Variants in PRKCQ observed in about 807,000 individuals in gnomAD.
The protein encoded by PRKCQ is protein kinase C theta.
PRKCQ carries 41 observed loss-of-function variants against 91.2 expected under a neutral mutation model. That is an observed-to-expected ratio of 0.45 (90% CI 0.35 to 0.58). The LOEUF (loss-of-function observed/expected upper bound fraction) is 0.58, where lower values mean the gene tolerates loss of function less well. Ranked by LOEUF, PRKCQ falls within the 20% of genes least tolerant of loss-of-function variation. PRKCQ has a pLI of 0.00. For missense variants in PRKCQ, 673 were observed against 896.5 expected, an observed-to-expected ratio of 0.75 and a Z score of 3.18; for synonymous variants, 307 against 316.9, an observed-to-expected ratio of 0.97 and a Z score of 0.33.
chr10:6,412,399 AT>A, the PRKCQ span, among the ~76,000 whole-genome samples: 1 of 152,252 alleles, frequency 6.6e-6, no homozygotes, highest in Non-Finnish European at 1.5e-5. Context: ...AAAAAGTGAA[AT>A]TAAAGCTAAC....
downstream of PRKCQ, among the ~76,000 whole-genome samples, chr10:6,424,390 C>T (rs1329926971): frequency 2.0e-5 from 3 of 152,156 alleles, no homozygotes; most frequent in Non-Finnish European, 1.5e-5. Context: ...GGGGAAGGCA[C>T]GTGGTCAGCG....
At chr10:6,550,856 G>A (rs968550623) in intron 1 of PRKCQ, among the ~76,000 whole-genome samples, 1 of 152,080 alleles carries the variant, frequency 6.6e-6, no homozygotes, top group Non-Finnish European at 1.5e-5. Flanking sequence ...AACTCTCCAC[G>A]TCTTCACCAA....
chr10:6,482,106 G>A (rs1353494665), intron 11 of PRKCQ, among the ~76,000 whole-genome samples: 2 of 151,636 alleles, frequency 1.3e-5, no homozygotes, highest in East Asian at 1.9e-4. Context: ...TTTAGAGGAG[G>A]GACTTTCTCC....
At chr10:6,475,761 T>C (rs1466017858) in intron 12 of PRKCQ, among the ~76,000 whole-genome samples, 1 of 152,214 alleles carries the variant, frequency 6.6e-6, no homozygotes, top group Non-Finnish European at 1.5e-5. Context: ...CATTCACTTG[T>C]GGTATTTAAT....
At chr10:6,451,796 C>T (rs1387441644) in intron 15 of PRKCQ, among the ~76,000 whole-genome samples, 1 of 152,066 alleles carries the variant, frequency 6.6e-6, no homozygotes, top group East Asian at 1.9e-4. Context: ...TAAATGTAAT[C>T]CAGCATATAA....
At position 6,456,695 on chromosome 10, in the gene PRKCQ, T is replaced by C; in HGVS notation, c.1626A>G (p.Thr542=). Residue 542 remains threonine (T), a synonymous_variant, in exon 15 of 18, where the codon ACA becomes ACG. Coordinates refer to ENST00000263125, the MANE Select transcript of PRKCQ (RefSeq NM_006257.5). The part of the protein sequence containing the change: ...GDAKTNTFCG[T]PDYIAPEILL... ...CTACCTCTGGGGCGATGTAGTCAGG[T>C]GTCCCACAGAAGGTATTCGTCTTGG... is the stretch of plus-strand genomic sequence containing the variant. The C allele has an allele frequency of 6.2e-7, 1 of 1,614,176 alleles. No individual in the cohort carries two copies. The highest frequency in any genetic ancestry group is 8.5e-7 in the Non-Finnish European group (1 of 1,180,004).
chr10:6,484,612 A>G (rs1462442368), intron 10 of PRKCQ, among the ~76,000 whole-genome samples: 5 of 152,042 alleles, frequency 3.3e-5, no homozygotes, highest in African/African-American at 4.8e-5. Flanking sequence ...TTAAATCCCT[A>G]GGTTTATCTT....
At chr10:6,498,868 A>G (rs1410153446) in intron 4 of PRKCQ, among the ~76,000 whole-genome samples, 1 of 152,228 alleles carries the variant, frequency 6.6e-6, no homozygotes, top group Non-Finnish European at 1.5e-5. Context: ...ACCAGAGATT[A>G]GAACTTTGAA....
intron 1 of PRKCQ, among the ~76,000 whole-genome samples, chr10:6,547,718 T>C (rs1840016896): frequency 1.3e-5 from 2 of 151,976 alleles, no homozygotes; most frequent in East Asian, 3.9e-4. Context: ...TTACACCTTA[T>C]ACAAAAATTA....
intron 3 of PRKCQ, among the ~76,000 whole-genome samples, chr10:6,510,392 T>C (rs949912043): frequency 6.6e-6 from 1 of 152,224 alleles, no homozygotes; most frequent in Non-Finnish European, 1.5e-5. Context: ...AAAAAAATTG[T>C]AGGAATTGTC....
intron 16 of PRKCQ, among the ~76,000 whole-genome samples, 155 bp downstream of exon 16, chr10:6,441,738 C>T (rs1391938502): frequency 2.6e-5 from 4 of 152,196 alleles, no homozygotes; most frequent in Non-Finnish European, 5.9e-5. Flanking sequence ...AATATTGGTG[C>T]CTCTATTAAA....
At chr10:6,439,499 A>G (rs1017759938) in intron 16 of PRKCQ, among the ~76,000 whole-genome samples, 1 of 152,012 alleles carries the variant, frequency 6.6e-6, no homozygotes, top group Non-Finnish European at 1.5e-5. Flanking sequence ...ATTTACACCA[A>G]GTGTGCCTGC....
chr10:6,466,202 C>A (rs1042500747), intron 12 of PRKCQ, among the ~76,000 whole-genome samples: 1 of 152,188 alleles, frequency 6.6e-6, no homozygotes, highest in Non-Finnish European at 1.5e-5. Context: ...CCTAGAAAGG[C>A]TGACATTTCA....
rs774959121 is a variant in PRKCQ, at chr10:6,442,085, C to T, written c.1648-4G>A. 6.2e-7 allele frequency: 1 copy of T among 1,608,412 alleles called. No homozygotes were observed. The highest frequency in any genetic ancestry group is 2.2e-5 in the East Asian group (1 of 44,712). On this transcript the variant is annotated splice_region_variant and splice_polypyrimidine_tract_variant and intron_variant, in intron 15 of 17. Coordinates refer to ENST00000263125, the MANE Select transcript of PRKCQ (RefSeq NM_006257.5). ...TGTATTTCTGACCCAGCAAGATCTGCACAACCAAAAGGCAGACAGGAAATT... is the reference window on the plus strand; with the variant it reads ...TGTATTTCTGACCCAGCAAGATCTGTACAACCAAAAGGCAGACAGGAAATT...
downstream of PRKCQ, among the ~76,000 whole-genome samples, chr10:6,423,697 C>T (rs912059547): frequency 5.9e-5 from 9 of 152,168 alleles, no homozygotes; most frequent in African/African-American, 2.2e-4. Context: ...GCTACTGTGA[C>T]CGACCCTACC....
In PRKCQ at chr10:6,498,523, A is replaced by T; in HGVS notation, c.415T>A (p.Phe139Ile). The T allele has an allele frequency of 1.2e-6, 2 of 1,614,152 alleles. No individual in the cohort carries two copies. Among genetic ancestry groups the T allele is most frequent in the Non-Finnish European group, 1.7e-6 (2 of 1,180,022 alleles). The part of the protein sequence containing the change: ...KDMNEFETEG[F>I]FALHQRRGAI... Reference sequence around the variant, plus strand: ...CCCCGGCGCTGATGCAAAGCAAAGAAGCCTTCCGTCTCAAATTCATTCATG... The same window carrying T: ...CCCCGGCGCTGATGCAAAGCAAAGATGCCTTCCGTCTCAAATTCATTCATG... The change falls in exon 5 of 18, where the codon TTC becomes ATC. Residue 139 changes from phenylalanine (F) to isoleucine (I), a missense_variant. Physicochemically the swap from Phe to Ile is conservative, Grantham distance 21. Transcript: ENST00000263125.
rs1037002668 is a variant in PRKCQ at position 6,458,766 on chromosome 10, T to C, written c.1509-1954A>G. ...GTCCAATGAGAATCACGTGAAAGCA[T>C]TGAAAGTGGCTTCAAACACATGGGT... On this transcript the variant is annotated intron_variant, in intron 14 of 17. Transcript: ENST00000263125. 3.7e-4 allele frequency among the ~76,000 whole-genome samples: 57 copies of C among 152,182 alleles called. 2 individuals are homozygous for C. Among genetic ancestry groups the C allele is most frequent in the Admixed American group, 2.1e-3 (32 of 15,272 alleles).
chr10:6,460,285 T>C (rs1038011362), intron 14 of PRKCQ, among the ~76,000 whole-genome samples: 7 of 152,050 alleles, frequency 4.6e-5, no homozygotes, highest in African/African-American at 1.7e-4. Flanking sequence ...AAGCTACTTA[T>C]GGACATCTAT....
chr10:6,450,343 A>C (rs1381276828), intron 15 of PRKCQ, among the ~76,000 whole-genome samples: 1 of 136,282 alleles, frequency 7.3e-6, no homozygotes, highest in Admixed American at 7.7e-5. Context: ...AGGCCATTAC[A>C]TAATGGTAAA....
Sources: gnomAD v4.1 joint callset for allele counts (sites outside exome capture counted in the v4.1 genomes callset) on GRCh38, gnomAD v4.1.1 for gene constraint, MANE v1.5 for transcripts, NCBI Gene and HGNC (gene_info 2026-07-23, HGNC 2026-07-21) for gene names.